Variants in ADGRG4 observed in about 807,000 individuals in gnomAD.
ADGRG4 encodes G protein-coupled receptor 112.
In ADGRG4, 122 loss-of-function variants were observed where a neutral mutation model predicts 126.2. That is an observed-to-expected ratio of 0.97 (90% CI 0.83 to 1.12). The LOEUF (loss-of-function observed/expected upper bound fraction) is 1.12. Ranked by LOEUF, ADGRG4 falls within the 50% of genes most tolerant of loss-of-function variation. ADGRG4 has a pLI of 0.00. For synonymous variants in ADGRG4, 943 were observed against 838.7 expected (o/e 1.12, Z -2.15); for missense variants, 2,481 against 2,251.8 (o/e 1.10, Z -2.06).
intron 13 of ADGRG4, among the ~76,000 whole-genome samples, chrX:136,367,291 T>C (rs2075165003): frequency 8.9e-6 from 1 of 112,022 alleles, no homozygotes; most frequent in South Asian, 3.7e-4. Context: ...CTGAGGACTA[T>C]CTAGAAGAAT....
At chrX:136,363,426 A>T (rs766737001) in intron 12 of ADGRG4, 51 bp from the exon 13 acceptor site, 1 of 833,372 alleles carries the variant, frequency 1.2e-6, no homozygotes, top group South Asian at 2.0e-5. Flanking sequence ...TTGCTTTAAG[A>T]CTATCTTTGC....
rs1323615026 is a variant in ADGRG4, at chrX:136,348,232, C to T, written c.4526C>T (p.Pro1509Leu). The T allele has an allele frequency of 1.7e-6, 2 of 1,211,005 alleles. No homozygotes were observed. Among genetic ancestry groups the T allele is most frequent in the South Asian group, 1.8e-5 (1 of 56,965 alleles). ...PRESSMATST[P>L]IYQMSSLPVN... ...GAATCCTCTATGGCAACGTCCACTC[C>T]TATTTACCAGATGTCCTCATTGCCA... The change falls in exon 6 of 26, where the codon CCT (proline) becomes CTT (leucine). Residue 1509 changes from proline (P) to leucine (L), a missense_variant. Transcript: ENST00000394143.
chrX:136,397,694 T>C (rs1322981940), intron 19 of ADGRG4, among the ~76,000 whole-genome samples, 187 bp from the exon 20 acceptor site: 4 of 111,231 alleles, frequency 3.6e-5, no homozygotes, highest in Non-Finnish European at 5.7e-5. Flanking sequence ...ACACAGTCAG[T>C]TGGACTAGGC....
At chrX:136,308,719 G>T (rs2074749381) in intron 3 of ADGRG4, 50 bp from the exon 4 acceptor site, 4 of 695,739 alleles carry the variant, frequency 5.7e-6, no homozygotes, top group Non-Finnish European at 9.2e-6. Flanking sequence ...CTTAGAAATT[G>T]TATTTTCTGA....
At chrX:136,340,992 G>T (rs1384375202) in intron 5 of ADGRG4, among the ~76,000 whole-genome samples, 1 of 111,972 alleles carries the variant, frequency 8.9e-6, no homozygotes, top group Non-Finnish European at 1.9e-5. Flanking sequence ...CAGGCTTTAG[G>T]TTAAAACGGA....
At chrX:136,353,177 G>A (rs893677269) in intron 7 of ADGRG4, among the ~76,000 whole-genome samples, 160 bp from the exon 8 acceptor site, 2 of 111,580 alleles carry the variant, frequency 1.8e-5, no homozygotes, top group South Asian at 7.5e-4. Flanking sequence ...GCCCATAATA[G>A]CAGGTAAAAC....
chrX:136,352,914 T>C (rs938046261), intron 7 of ADGRG4, among the ~76,000 whole-genome samples: 1 of 111,229 alleles, frequency 9.0e-6, no homozygotes, highest in Non-Finnish European at 1.9e-5. Flanking sequence ...GCTGGCAGAG[T>C]TGGTTTCTGG....
chrX:136,331,973 C>A (rs192529095), intron 5 of ADGRG4, among the ~76,000 whole-genome samples: 4 of 108,380 alleles, frequency 3.7e-5, no homozygotes, highest in Non-Finnish European at 7.7e-5. Context: ...CCCACCAACA[C>A]GCCCGACTAA....
rs774562634 is a variant in ADGRG4, at chrX:136,323,133, A to G, written c.426A>G (p.Ile142Met). 21 of 1,211,626 alleles carry G rather than the reference A, an allele frequency of 1.7e-5. No individual in the cohort carries two copies. The East Asian group carries it at 5.0e-4, about 29-fold the overall frequency. ...AACTCTTCCTGAATAAAGAAAGGATACTGGAAGTAACGGATCAACCACACA... is the reference window on the plus strand; with the variant it reads ...AACTCTTCCTGAATAAAGAAAGGATGCTGGAAGTAACGGATCAACCACACA... ...KLELFLNKER[I>M]LEVTDQPHNL... The change falls in exon 5 of 26, where the codon ATA becomes ATG. Residue 142 changes from isoleucine to methionine, a missense_variant. Ile to Met is a conservative substitution (Grantham distance 10). Coordinates refer to ENST00000394143, the MANE Select transcript of ADGRG4 (RefSeq NM_153834.4).
At chrX:136,343,240 A>G (rs1569321432) in intron 5 of ADGRG4, among the ~76,000 whole-genome samples, 1 of 110,977 alleles carries the variant, frequency 9.0e-6, no homozygotes, top group African/African-American at 3.3e-5. Context: ...TTAATGTATG[A>G]TAGTGTAGGG....
chrX:136,413,901 C>T (rs1270471301), intron 24 of ADGRG4, among the ~76,000 whole-genome samples: 4 of 110,082 alleles, frequency 3.6e-5, no homozygotes, highest in Non-Finnish European at 7.6e-5. Flanking sequence ...CCACCCCGCC[C>T]GGCTAATTTT....
Position 136,345,977 on chromosome X carries a change from C to T in ADGRG4, c.2271C>T (p.Thr757=). 1 of 1,209,231 alleles carries T rather than the reference C, an allele frequency of 8.3e-7. No homozygotes were observed. The highest frequency in any genetic ancestry group is 1.1e-6 in the Non-Finnish European group (1 of 894,105). ...SITNMPEFKL[T]TLLLKTIPMS... Reference sequence around the variant, plus strand: ...CCAATATGCCTGAATTTAAACTTACCACTTTACTACTAAAAACAATACCTA... The same window carrying T: ...CCAATATGCCTGAATTTAAACTTACTACTTTACTACTAAAAACAATACCTA... Residue 757 remains threonine (T), a synonymous_variant, in exon 6 of 26, where the codon ACC becomes ACT. Coordinates refer to ENST00000394143, the MANE Select transcript of ADGRG4 (RefSeq NM_153834.4).
Position 136,344,986 on chromosome X carries a change from C to A in ADGRG4, c.1280C>A (p.Ala427Glu), listed in dbSNP as rs1399739906. ...AAACAAAAATCCACAAATACTGGGG[C>A]ACTCCCTATCTCCACAGCTGGCCAG... ...CLKQKSTNTG[A>E]LPISTAGQEF... Residue 427 changes from alanine (A) to glutamate (E), a missense_variant, in exon 6 of 26, where the codon GCA becomes GAA. Transcript: ENST00000394143. The A allele has an allele frequency of 8.3e-7, 1 of 1,210,986 alleles. No homozygotes were observed. The highest frequency in any genetic ancestry group is 3.0e-5 in the East Asian group (1 of 33,838).
In ADGRG4 at chrX:136,345,500, G is replaced by C. The variant is rs1325112801; in HGVS notation, c.1794G>C (p.Met598Ile). 8.3e-7 allele frequency: 1 copy of C among 1,209,012 alleles called. No individual in the cohort carries two copies. The highest frequency in any genetic ancestry group is 1.1e-6 in the Non-Finnish European group (1 of 894,696). The change falls in exon 6 of 26, where the codon ATG becomes ATC. Residue 598 changes from methionine to isoleucine, a missense_variant. Transcript: ENST00000394143. ...TTGCATCTACAGTGGCTGAAACTATGCTTTCCTCCACAATCACAGGACGAG... is the reference window on the plus strand; with the variant it reads ...TTGCATCTACAGTGGCTGAAACTATCCTTTCCTCCACAATCACAGGACGAG... ...ITLASTVAET[M>I]LSSTITGRVY...
intron 23 of ADGRG4, among the ~76,000 whole-genome samples, chrX:136,407,382 A>G (rs1404272247): frequency 9.0e-6 from 1 of 111,367 alleles, no homozygotes; most frequent in Non-Finnish European, 1.9e-5. Flanking sequence ...GTAGTGTCTT[A>G]AAAACCTCTG....
Position 136,397,086 on chromosome X carries a change from G to A in ADGRG4, c.8185-795G>A, listed in dbSNP as rs535214720. Among the ~76,000 whole-genome samples, 9 of 111,380 alleles carry A rather than the reference G, an allele frequency of 8.1e-5. No homozygotes were observed. The South Asian group carries it at 3.4e-3, about 43-fold the overall frequency. ...TTACAGGCATGAGCCACCCCGCCCG[G>A]CCCCAAATAATTCTTTGTCGTGGGG... On this transcript the variant is annotated intron_variant, in intron 19 of 25. Coordinates refer to ENST00000394143, the MANE Select transcript of ADGRG4 (RefSeq NM_153834.4).
In ADGRG4 at chrX:136,344,777, T is replaced by A; in HGVS notation, c.1071T>A (p.Val357=). Residue 357 remains valine, a synonymous_variant, in exon 6 of 26, where the codon GTT becomes GTA. Transcript: ENST00000394143. ...SSESTKTTKM[V]EAMATEIFQP... ...AAAGCACAAAGACAACAAAAATGGTTGAAGCCATGGCTACTGAAATCTTTC... is the reference window on the plus strand; with the variant it reads ...AAAGCACAAAGACAACAAAAATGGTAGAAGCCATGGCTACTGAAATCTTTC... 8.3e-7 allele frequency: 1 copy of A among 1,210,034 alleles called. No homozygotes were observed. The highest frequency in any genetic ancestry group is 1.8e-5 in the South Asian group (1 of 56,644).
At chrX:136,342,943 T>G (rs2074989059) in intron 5 of ADGRG4, among the ~76,000 whole-genome samples, 1 of 86,395 alleles carries the variant, frequency 1.2e-5, no homozygotes, top group Admixed American at 1.3e-4. Context: ...AGGAAGGGGA[T>G]CAGATTGGCA....
intron 5 of ADGRG4, among the ~76,000 whole-genome samples, chrX:136,332,926 T>A (rs776684863): frequency 5.1e-4 from 57 of 111,511 alleles, no homozygotes; most frequent in African/African-American, 1.7e-3. Flanking sequence ...GATGAGTAGG[T>A]TGCAAAAATT....
Sources: allele counts gnomAD v4.1 joint callset (sites outside exome capture counted in the v4.1 genomes callset), GRCh38; gene constraint gnomAD v4.1.1; transcripts MANE v1.5; gene names NCBI Gene and HGNC (gene_info 2026-07-23, HGNC 2026-07-21).